KCNB2: variants seen among roughly 807,000 people sequenced by gnomAD.
KCNB2 encodes potassium voltage-gated channel subfamily B member 2, also known as delayed rectifier potassium channel protein.
Under a neutral mutation model 61.5 loss-of-function variants are expected in KCNB2, and 15 were observed. That is an observed-to-expected ratio of 0.24 (90% confidence interval 0.16 to 0.38). The LOEUF is 0.38. Ranked by LOEUF, KCNB2 falls within the 10% of genes least tolerant of loss-of-function variation. KCNB2 has a pLI of 1.00. For synonymous variants in KCNB2, 457 were observed against 446.0 expected (o/e 1.02, Z -0.31); for missense variants, 828 against 1,125.2 (o/e 0.74, Z 3.78).
chr8:72,648,958 T>C (rs74786721), intron 2 of KCNB2, among the ~76,000 whole-genome samples: 1,676 of 151,946 alleles, frequency 0.011, 31 homozygotes, highest in African/African-American at 0.039. Context: ...CCTTTTACAT[T>C]GTGCAAGTTT....
intron 2 of KCNB2, among the ~76,000 whole-genome samples, chr8:72,607,149 A>G (rs994325130): frequency 1.3e-5 from 2 of 152,210 alleles, no homozygotes; most frequent in African/African-American, 4.8e-5. Flanking sequence ...TACTTCCAAC[A>G]CAGTTTTTGA....
intron 2 of KCNB2, among the ~76,000 whole-genome samples, chr8:72,588,156 T>G (rs1185777724): frequency 5.9e-5 from 9 of 152,196 alleles, no homozygotes; most frequent in Non-Finnish European, 1.3e-4. Context: ...TTAGAGTTTT[T>G]GATTTTTATT....
intron 2 of KCNB2, among the ~76,000 whole-genome samples, chr8:72,725,561 A>ATGTG (rs1563571944): frequency 7.3e-5 from 4 of 54,962 alleles, no homozygotes; most frequent in Non-Finnish European, 1.7e-4. Context: ...ATATATGTAT[A>ATGTG]TATGTATATA....
chr8:72,870,056 G>C (rs1051002919), intron 2 of KCNB2, among the ~76,000 whole-genome samples: 41 of 152,130 alleles, frequency 2.7e-4, no homozygotes, highest in African/African-American at 9.7e-4. Flanking sequence ...GGATGAACCC[G>C]GAGAGCATTA....
chr8:72,644,543 C>A (rs1472439100), intron 2 of KCNB2, among the ~76,000 whole-genome samples: 2 of 152,108 alleles, frequency 1.3e-5, no homozygotes, highest in Admixed American at 6.6e-5. Flanking sequence ...TTGGAGCTGC[C>A]TTATTGGAAA....
At chr8:72,713,124 C>T (rs933014616) in intron 2 of KCNB2, among the ~76,000 whole-genome samples, 2 of 152,252 alleles carry the variant, frequency 1.3e-5, no homozygotes, top group African/African-American at 2.4e-5. Context: ...GGGGCGCCCG[C>T]CATTGCCCAG....
At chr8:72,564,561 C>A (rs1057400528) in intron 1 of KCNB2, among the ~76,000 whole-genome samples, 3 of 152,194 alleles carry the variant, frequency 2.0e-5, no homozygotes, top group East Asian at 1.9e-4. Context: ...CATTCAGATT[C>A]ATCACTGGAA....
At chr8:72,833,817 G>A (rs2129002039) in intron 2 of KCNB2, among the ~76,000 whole-genome samples, 1 of 152,226 alleles carries the variant, frequency 6.6e-6, no homozygotes, top group Non-Finnish European at 1.5e-5. Context: ...TCATAAGAAG[G>A]CCTGTCAATC....
At chr8:72,663,971 C>T (rs944574584) in intron 2 of KCNB2, among the ~76,000 whole-genome samples, 1 of 152,202 alleles carries the variant, frequency 6.6e-6, no homozygotes, top group African/African-American at 2.4e-5. Context: ...CTTCTTGCTT[C>T]AAAGGGAGCC....
At chr8:72,603,461 A>G (rs768153470) in intron 2 of KCNB2, among the ~76,000 whole-genome samples, 4 of 152,032 alleles carry the variant, frequency 2.6e-5, no homozygotes, top group African/African-American at 7.2e-5. Context: ...TGGCCTATTC[A>G]CCTTTCAAAT....
At position 72,568,092 on chromosome 8, in the gene KCNB2, G is replaced by C. The variant is rs762084075; in HGVS notation, c.358G>C (p.Gly120Arg). ...GGAAGAAATGTGTGCACTTTCGTTTGGCCAAGAACTTGATTACTGGGGGAT... is the reference window on the plus strand; with the variant it reads ...GGAAGAAATGTGTGCACTTTCGTTTCGCCAAGAACTTGATTACTGGGGGAT... ...MMEEMCALSF[G>R]QELDYWGIDE... The change falls in exon 2 of 3, where the codon GGC becomes CGC. Residue 120 changes from glycine to arginine, a missense_variant. By Grantham distance (125) the Gly-to-Arg change is moderately radical. This residue lies in a region of KCNB2 where 163 missense variants were observed against 314.4 expected (regional missense o/e 0.52). Transcript: ENST00000523207. 1.9e-6 allele frequency: 3 copies of C among 1,614,138 alleles called. No individual in the cohort carries two copies. Among genetic ancestry groups the C allele is most frequent in the Non-Finnish European group, 2.5e-6 (3 of 1,180,040 alleles).
At chr8:72,626,435 A>G (rs929770848) in intron 2 of KCNB2, among the ~76,000 whole-genome samples, 53 of 152,234 alleles carry the variant, frequency 3.5e-4, no homozygotes, top group African/African-American at 1.2e-3. Flanking sequence ...GGCAGCTTAT[A>G]TGTGCAATGT....
chr8:72,827,495 C>T (rs568795941), intron 2 of KCNB2, among the ~76,000 whole-genome samples: 209 of 152,210 alleles, frequency 1.4e-3, no homozygotes, highest in African/African-American at 2.1e-3. Context: ...ATTGCTACAT[C>T]GGGACCCAAG....
intron 2 of KCNB2, among the ~76,000 whole-genome samples, chr8:72,747,200 T>C (rs1808089772): frequency 1.3e-5 from 2 of 152,120 alleles, no homozygotes; most frequent in African/African-American, 4.8e-5. Context: ...GAAGCCACTG[T>C]TGTGGTTTCT....
chr8:72,934,394 C>A (rs200228207), intron 2 of KCNB2, among the ~76,000 whole-genome samples: 959 of 83,286 alleles, frequency 0.012, no homozygotes, highest in Middle Eastern at 0.016. Context: ...TCACCCCCCG[C>A]AAAAAAAAAA....
At chr8:72,829,525 A>G (rs899845438) in intron 2 of KCNB2, among the ~76,000 whole-genome samples, 2 of 152,202 alleles carry the variant, frequency 1.3e-5, no homozygotes, top group Non-Finnish European at 2.9e-5. Flanking sequence ...AGAATTTTTT[A>G]GAAATATTTT....
intron 2 of KCNB2, among the ~76,000 whole-genome samples, chr8:72,837,227 T>C (rs2129002312): frequency 6.6e-6 from 1 of 152,288 alleles, no homozygotes; most frequent in African/African-American, 2.4e-5. Flanking sequence ...ATGTCTGTAG[T>C]TCCTTCTCAG....
chr8:72,551,277 T>C (rs1806340811), intron 1 of KCNB2, among the ~76,000 whole-genome samples: 1 of 152,166 alleles, frequency 6.6e-6, no homozygotes, highest in Admixed American at 6.6e-5. Context: ...CTCATTTACC[T>C]AAAACCCTTA....
At chr8:72,888,640 G>T in intron 2 of KCNB2, among the ~76,000 whole-genome samples, 1 of 152,082 alleles carries the variant, frequency 6.6e-6, no homozygotes, top group East Asian at 1.9e-4. Context: ...TCAGTACTTT[G>T]CCATCATTAA....
Sources: gnomAD v4.1 joint callset for allele counts (sites outside exome capture counted in the v4.1 genomes callset) on GRCh38, gnomAD v4.1.1 for gene constraint, gnomAD v4.1.1 regional missense constraint, MANE v1.5 for transcripts, NCBI Gene and HGNC (gene_info 2026-07-23, HGNC 2026-07-21) for gene names.